FAM81B: variants seen among roughly 807,000 people sequenced by gnomAD.
FAM81B encodes protein FAM81B.
FAM81B carries 60 observed loss-of-function variants against 58.7 expected under a neutral mutation model. The ratio of observed to expected loss-of-function variants is 1.02; its 90% confidence interval spans 0.83 to 1.27. The LOEUF (loss-of-function observed/expected upper bound fraction) is 1.27, where lower values mean the gene tolerates loss of function less well. FAM81B is among the 50% of genes most tolerant of loss of function. FAM81B has a pLI of 0.00. For missense variants in FAM81B, 491 were observed against 522.0 expected, an observed-to-expected ratio of 0.94 and a Z score of 0.58; for synonymous variants, 189 against 179.6, an observed-to-expected ratio of 1.05 and a Z score of -0.42.
At chr5:95,420,167 C>A in intron 4 of FAM81B, 117 bp from the exon 5 acceptor site, 2 of 1,243,316 alleles carry the variant, frequency 1.6e-6, no homozygotes, top group Non-Finnish European at 2.3e-6. Flanking sequence ...CTCTCTCACT[C>A]ATGCACACCA....
intron 7 of FAM81B, chr5:95,440,397 C>T: frequency 2.9e-6 from 2 of 683,738 alleles, no homozygotes; most frequent in Admixed American, 3.6e-5. Context: ...GATTCAATGT[C>T]ATGACGATTA....
chr5:95,392,470 C>T (rs1352860494), intron 1 of FAM81B, among the ~76,000 whole-genome samples: 1 of 152,094 alleles, frequency 6.6e-6, no homozygotes, highest in East Asian at 1.9e-4. Context: ...CCTGCATGTT[C>T]TGCACGTGTA....
chr5:95,400,408 A>ATACG (rs1762076006), intron 3 of FAM81B, among the ~76,000 whole-genome samples: 1 of 92,766 alleles, frequency 1.1e-5, no homozygotes, highest in Non-Finnish European at 2.1e-5. Flanking sequence ...CTTCACATAC[A>ATACG]TACATACATA....
At chr5:95,416,248 AG>A (rs1762535720) in intron 4 of FAM81B, among the ~76,000 whole-genome samples, 1 of 152,234 alleles carries the variant, frequency 6.6e-6, no homozygotes. Context: ...CTCATTAACC[AG>A]GTCAGCCCAT....
At chr5:95,401,504 G>GT (rs1219170553) in intron 3 of FAM81B, among the ~76,000 whole-genome samples, 5 of 151,770 alleles carry the variant, frequency 3.3e-5, no homozygotes, top group Non-Finnish European at 7.4e-5. Flanking sequence ...TATAGAAAAT[G>GT]TTTTTTCTAT....
rs1762753944 is a variant in FAM81B, at chr5:95,423,899, CA to C, written c.656+3501del. Among the ~76,000 whole-genome samples the C allele has an allele frequency of 2.0e-5, 3 of 152,080 alleles. No individual in the cohort carries two copies. In the South Asian group the frequency reaches 6.2e-4, roughly 32 times the overall value. ...CAGTCATAATTTTGAGAGACATTGGCAAAATGGAATCAAGCAGCATTACTTA... is the reference window on the plus strand; with the variant it reads ...CAGTCATAATTTTGAGAGACATTGGCAAATGGAATCAAGCAGCATTACTTA... On this transcript the variant is annotated intron_variant, in intron 5 of 9. Transcript: ENST00000283357.
At chr5:95,440,880 A>C (rs972014307) in intron 7 of FAM81B, among the ~76,000 whole-genome samples, 13 of 152,224 alleles carry the variant, frequency 8.5e-5, no homozygotes, top group African/African-American at 3.1e-4. Context: ...GCTGCAGGCC[A>C]GGGCCACCTT....
At position 95,414,035 on chromosome 5, in the gene FAM81B, C is replaced by T. The variant is rs866470038; in HGVS notation, c.382C>T (p.Leu128Phe). ...CAACCAGGCGCGTACCATAGCTTTC[C>T]TTCTTGAACAAGCCTTCCGCATCAA... ...LNNQARTIAF[L>F]LEQAFRIKED... is the part of the protein sequence containing the mutation. The change falls in exon 4 of 10, where the codon CTT (leucine) becomes TTT (phenylalanine). Residue 128 changes from leucine to phenylalanine, a missense_variant. Coordinates refer to ENST00000283357, the MANE Select transcript of FAM81B (RefSeq NM_152548.3). 3.7e-6 allele frequency: 6 copies of T among 1,614,114 alleles called. No homozygotes were observed. Among genetic ancestry groups the T allele is most frequent in the Non-Finnish European group, 5.1e-6 (6 of 1,180,006 alleles).
intron 3 of FAM81B, among the ~76,000 whole-genome samples, chr5:95,398,451 T>TAAATAAAA (rs1554042469): frequency 1.3e-5 from 2 of 151,378 alleles, no homozygotes; most frequent in South Asian, 4.2e-4. Flanking sequence ...AATAAATAAA[T>TAAATAAAA]AAAAAACTTC....
At chr5:95,400,396 A>G (rs896733093) in intron 3 of FAM81B, among the ~76,000 whole-genome samples, 1 of 148,660 alleles carries the variant, frequency 6.7e-6, no homozygotes, top group African/African-American at 2.5e-5. Context: ...TCCTACAGCC[A>G]CCTTCACATA....
intron 5 of FAM81B, among the ~76,000 whole-genome samples, chr5:95,424,873 A>G (rs1163266729): frequency 6.6e-6 from 1 of 152,186 alleles, no homozygotes; most frequent in African/African-American, 2.4e-5. Flanking sequence ...ATTTCCCTCC[A>G]AAAGAGACTA....
intron 7 of FAM81B, 75 bp from the exon 8 acceptor site, chr5:95,446,487 T>G (rs1346636575): frequency 7.3e-7 from 1 of 1,377,258 alleles, no homozygotes; most frequent in Admixed American, 2.7e-5. Flanking sequence ...CTCAAAAAAC[T>G]GCAGACTTTT....
intron 9 of FAM81B, 113 bp from the exon 10 acceptor site, chr5:95,450,036 T>C: frequency 8.2e-7 from 1 of 1,215,952 alleles, no homozygotes; most frequent in East Asian, 2.5e-5. Flanking sequence ...TAGAATTTAA[T>C]GCGCTTGGAA....
chr5:95,394,734 T>G (rs997200808), intron 2 of FAM81B, among the ~76,000 whole-genome samples: 5 of 152,138 alleles, frequency 3.3e-5, no homozygotes, highest in Non-Finnish European at 7.4e-5. Context: ...ACAGGCTCCC[T>G]CGTGAGCAGC....
chr5:95,422,022 C>T lies in FAM81B; in HGVS notation c.656+1620C>T, dbSNP rs139548330. 3.6e-3 allele frequency among the ~76,000 whole-genome samples: 543 copies of T among 152,128 alleles called. 1 individual carries two copies. The highest frequency in any genetic ancestry group is 0.012 in the African/African-American group (516 of 41,480). Reference sequence around the variant, plus strand: ...GGCTTCCACCATGTTGTGTATGAGACGCCATCAGAATATTAGCTGGAATGG... The same window carrying T: ...GGCTTCCACCATGTTGTGTATGAGATGCCATCAGAATATTAGCTGGAATGG... On this transcript the variant is annotated intron_variant, in intron 5 of 9. Transcript: ENST00000283357.
At chr5:95,440,250 A>T in intron 7 of FAM81B, 1 of 727,218 alleles carries the variant, frequency 1.4e-6, no homozygotes, top group Non-Finnish European at 2.5e-6. Flanking sequence ...ATATGGAGAT[A>T]ATGCTGAAAA....
chr5:95,449,973 G>T (rs1745736055), intron 9 of FAM81B, among the ~76,000 whole-genome samples, 176 bp from the exon 10 acceptor site: 1 of 152,170 alleles, frequency 6.6e-6, no homozygotes, highest in South Asian at 2.1e-4. Flanking sequence ...ATTGTGAATG[G>T]ATCTTCATGA....
At chr5:95,428,790 T>C (rs1762920973) in intron 6 of FAM81B, 58 bp downstream of exon 6, 2 of 1,602,938 alleles carry the variant, frequency 1.2e-6, no homozygotes, top group Non-Finnish European at 1.7e-6. Context: ...AAGATCATTA[T>C]AGCTTATCAA....
In FAM81B at chr5:95,391,401, A is replaced by C. The variant is rs777907842; in HGVS notation, c.12A>C (p.Gln4His). The C allele has an allele frequency of 2.5e-6, 4 of 1,613,008 alleles. No individual in the cohort carries two copies. The highest frequency in any genetic ancestry group is 3.4e-6 in the Non-Finnish European group (4 of 1,179,534). Residue 4 changes from glutamine to histidine, a missense_variant, in exon 1 of 10, where the codon CAA becomes CAC. Transcript: ENST00000283357. ...AGACCTTAGTTAGGATGCAATTACA[A>C]TTCCTTGGTACATTGGCTTCCTCAG... MQL[Q>H]FLGTLASSEK...
Sources: allele counts gnomAD v4.1 joint callset (sites outside exome capture counted in the v4.1 genomes callset), GRCh38; gene constraint gnomAD v4.1.1; transcripts MANE v1.5; gene names NCBI Gene and HGNC (gene_info 2026-07-23, HGNC 2026-07-21).